MIA2: variants seen among roughly 807,000 people sequenced by gnomAD.
MIA2 encodes melanoma inhibitory activity protein 2.
MIA2 carries 127 observed loss-of-function variants against 167.8 expected under a neutral mutation model. The ratio of observed to expected loss-of-function variants is 0.76; its 90% CI spans 0.66 to 0.88. MIA2 has a LOEUF of 0.88. MIA2 is among the 40% of genes least tolerant of loss of function. The pLI is 0.00. For missense variants in MIA2, 1,690 were observed against 1,624.7 expected (o/e 1.04, Z -0.69); for synonymous variants, 552 against 541.9 (o/e 1.02, Z -0.26).
intron 23 of MIA2, among the ~76,000 whole-genome samples, chr14:39,357,211 A>T (rs535114052): frequency 2.0e-4 from 31 of 152,154 alleles, no homozygotes; most frequent in Middle Eastern, 3.4e-3. Flanking sequence ...GTCTCTAAGG[A>T]CTTGCTTTAT....
In MIA2 at chr14:39,385,497, C is replaced by T. The variant is rs1595973167; in HGVS notation, c.2249-1388C>T. 9.0e-6 allele frequency: 8 copies of T among 884,388 alleles called. No homozygotes were observed. The East Asian group carries it at 1.7e-4, about 19-fold the overall frequency. The allele number at this position is 884,388 out of a possible 1,614,324, so 54.8% of individuals were successfully genotyped here. A position where few individuals can be genotyped will look rare whatever the true frequency, so the allele number is the denominator to read the frequency against. ...ATACAGTGATCTTGCTCTCCTGTGT[C>T]ACAGCGTAGTCCACTATCTCTGTTC... On this transcript the variant is annotated intron_variant, in intron 23 of 23. Coordinates refer to the MIA2 transcript ENST00000341502.
At chr14:39,352,839 A>G (rs1363087916), downstream of MIA2, among the ~76,000 whole-genome samples, 1 of 152,184 alleles carries the variant, frequency 6.6e-6, no homozygotes, top group East Asian at 1.9e-4. Context: ...GCTAGTTAAC[A>G]TATATTTTAC....
chr14:39,313,399 A>G lies in MIA2; in HGVS notation c.3077A>G (p.Asp1026Gly). The G allele has an allele frequency of 6.2e-7, 1 of 1,604,690 alleles. No homozygotes were observed. Among genetic ancestry groups the G allele is most frequent in the East Asian group, 2.2e-5 (1 of 44,532 alleles). The change falls in exon 19 of 29, where the codon GAT (aspartate) becomes GGT (glycine). Residue 1026 changes from aspartate (D) to glycine (G), a missense_variant. Asp to Gly is a moderately conservative substitution (Grantham distance 94). Coordinates refer to ENST00000640607, the MANE Select transcript of MIA2 (RefSeq NM_001329214.4). ...AAAGAAGAGAAACTTTCTAAAGTAG[A>G]TGAAAAGATCAGCCATGCCACTGAA... ...LEKEEKLSKV[D>G]EKISHATEEL...
chr14:39,349,085 T>C, intron 28 of MIA2, 108 bp downstream of exon 28: 1 of 1,311,628 alleles, frequency 7.6e-7, no homozygotes, highest in Non-Finnish European at 1.0e-6. Flanking sequence ...AAGTTTTTTC[T>C]AGCATTCTGT....
At position 39,302,168 on chromosome 14, in the gene MIA2, G is replaced by A. The variant is rs1463379569; in HGVS notation, c.2659G>A (p.Ala887Thr). The A allele has an allele frequency of 6.2e-7, 1 of 1,613,764 alleles. No homozygotes were observed. Among genetic ancestry groups the A allele is most frequent in the Admixed American group, 1.7e-5 (1 of 60,016 alleles). Residue 887 changes from alanine to threonine, a missense_variant, in exon 15 of 29, where the codon GCT becomes ACT. By Grantham distance (58) the Ala-to-Thr change is moderately conservative (BLOSUM62 0). Transcript: ENST00000640607. ...ERLLKMKDWA[A>T]MLGEDITDDD... is the part of the protein sequence containing the mutation. ...CTTGTTAAAGATGAAAGATTGGGCTGCTATGCTTGGAGAAGACATAACGGA... is the reference window on the plus strand; with the variant it reads ...CTTGTTAAAGATGAAAGATTGGGCTACTATGCTTGGAGAAGACATAACGGA...
chr14:39,319,084 G>A, intron 22 of MIA2, 125 bp from the exon 23 acceptor site: 1 of 452,156 alleles, frequency 2.2e-6, no homozygotes, highest in Non-Finnish European at 4.0e-6. Flanking sequence ...AATAATTTTA[G>A]AGGATCTGTT....
intron 23 of MIA2, chr14:39,386,403 T>C (rs949637560): frequency 1.9e-6 from 3 of 1,557,778 alleles, no homozygotes; most frequent in African/African-American, 1.4e-5. Context: ...CTACGTTTCC[T>C]TTTGGCTTTA....
intron 2 of MIA2, among the ~76,000 whole-genome samples, chr14:39,239,936 A>C (rs751633071): frequency 1.3e-5 from 2 of 152,218 alleles, no homozygotes; most frequent in African/African-American, 4.8e-5. Context: ...TTAAAACTTT[A>C]ACAGGGTTAG....
intron 23 of MIA2, chr14:39,385,709 GA>G: frequency 1.0e-6 from 1 of 992,442 alleles, no homozygotes; most frequent in Non-Finnish European, 1.6e-6. Flanking sequence ...AGTGGTAACA[GA>G]CTATAGTCCT....
At chr14:39,291,264 T>A (rs1424719495) in intron 10 of MIA2, among the ~76,000 whole-genome samples, 168 bp downstream of exon 10, 1 of 152,118 alleles carries the variant, frequency 6.6e-6, no homozygotes, top group Non-Finnish European at 1.5e-5. Context: ...CAATAGGAGG[T>A]AGCATAAAAT....
chr14:39,292,368 A>G (rs2060850954), intron 10 of MIA2, among the ~76,000 whole-genome samples: 1 of 152,200 alleles, frequency 6.6e-6, no homozygotes, highest in Non-Finnish European at 1.5e-5. Context: ...AGCTGCATTC[A>G]ACATTTTGGA....
At chr14:39,356,003 T>C (rs2074514558), downstream of MIA2, among the ~76,000 whole-genome samples, 1 of 152,166 alleles carries the variant, frequency 6.6e-6, no homozygotes, top group Admixed American at 6.5e-5. Context: ...GGGATATTGG[T>C]CTAAAATTCT....
At chr14:39,290,864 T>C (rs1474558765) in intron 9 of MIA2, among the ~76,000 whole-genome samples, 155 bp from the exon 10 acceptor site, 2 of 152,200 alleles carry the variant, frequency 1.3e-5, no homozygotes, top group Non-Finnish European at 2.9e-5. Context: ...TTGTTTGTTG[T>C]AGTGGTCAGA....
At chr14:39,378,890 C>A (rs978741256) in intron 23 of MIA2, among the ~76,000 whole-genome samples, 5 of 152,116 alleles carry the variant, frequency 3.3e-5, no homozygotes, top group African/African-American at 1.2e-4. Context: ...GTTTAAAATA[C>A]TTGATATTGC....
intron 25 of MIA2, among the ~76,000 whole-genome samples, chr14:39,331,201 C>G (rs2068783889): frequency 6.6e-6 from 1 of 152,086 alleles, no homozygotes; most frequent in Admixed American, 6.6e-5. Flanking sequence ...GATCCCTTTA[C>G]CATTATGTAA....
chr14:39,327,509 A>G (rs1329677380), intron 25 of MIA2, among the ~76,000 whole-genome samples: 1 of 152,132 alleles, frequency 6.6e-6, no homozygotes, highest in African/African-American at 2.4e-5. Context: ...ACCAAAATAA[A>G]TATATTTACC....
At position 39,294,092 on chromosome 14, in the gene MIA2, A is replaced by G. The variant is rs932932484; in HGVS notation, c.2391+21A>G. The G allele has an allele frequency of 7.9e-6, 12 of 1,520,320 alleles. No homozygotes were observed. In the African/African-American group the frequency reaches 1.7e-4, roughly 21 times the overall value. 94.2% of individuals were successfully genotyped at this position (1,520,320 alleles called of 1,614,324 possible). Reference sequence around the variant, plus strand: ...CTGAAGTAAGTTGAATTAGTCTAGTAGGTCTGTTGCTTTTGGAAATAATTT... The same window carrying G: ...CTGAAGTAAGTTGAATTAGTCTAGTGGGTCTGTTGCTTTTGGAAATAATTT... On this transcript the variant is annotated intron_variant, in intron 12 of 28. Transcript: ENST00000640607.
At chr14:39,310,272 A>AT (rs1249756902) in intron 18 of MIA2, among the ~76,000 whole-genome samples, 1 of 152,002 alleles carries the variant, frequency 6.6e-6, no homozygotes, top group African/African-American at 2.4e-5. Context: ...TTAGTGCCTC[A>AT]TTTTTTACAT....
chr14:39,318,078 T>C, intron 22 of MIA2, 67 bp downstream of exon 22: 4 of 1,207,178 alleles, frequency 3.3e-6, no homozygotes, highest in East Asian at 2.6e-5. Flanking sequence ...GTAATACTTT[T>C]ATAAGGTTAA....
Sources: allele counts gnomAD v4.1 joint callset (sites outside exome capture counted in the v4.1 genomes callset), GRCh38; gene constraint gnomAD v4.1.1; transcripts MANE v1.5; gene names NCBI Gene and HGNC (gene_info 2026-07-23, HGNC 2026-07-21).